Variants in ROBO1 observed in about 807,000 individuals in gnomAD.
ROBO1 encodes the protein roundabout guidance receptor 1.
Under a neutral mutation model 195.9 loss-of-function variants are expected in ROBO1, and 149 were observed. The ratio of observed to expected loss-of-function variants is 0.76; its 90% CI spans 0.67 to 0.87. The LOEUF (loss-of-function observed/expected upper bound fraction) is 0.87. Ranked by LOEUF, ROBO1 falls within the 40% of genes least tolerant of loss-of-function variation. The pLI, the probability that ROBO1 is intolerant of heterozygous loss-of-function variation, is 0.00. For synonymous variants in ROBO1, 816 were observed against 733.2 expected (o/e 1.11, Z -1.82); for missense variants, 1,933 against 2,068.3 (o/e 0.93, Z 1.27).
intron 2 of ROBO1, among the ~76,000 whole-genome samples, chr3:79,552,152 C>A (rs1014377344): frequency 6.6e-6 from 1 of 151,732 alleles, no homozygotes; most frequent in Admixed American, 6.6e-5. Context: ...TTACCCAAAA[C>A]GTGTTCTGCA....
chr3:79,559,777 C>T (rs534250771), intron 2 of ROBO1, among the ~76,000 whole-genome samples: 169 of 152,070 alleles, frequency 1.1e-3, no homozygotes, highest in Middle Eastern at 6.8e-3. Context: ...ATTAGCTGGG[C>T]GTGGTGGTGT....
At chr3:78,648,857 C>T (rs716385) in intron 19 of ROBO1, among the ~76,000 whole-genome samples, 38,236 of 151,862 alleles carry the variant, frequency 0.25, 4,981 homozygotes, top group African/African-American at 0.29. Flanking sequence ...ACTGTAGAAT[C>T]GGAGCATTTG....
In ROBO1 at chr3:79,129,345, G is replaced by A. The variant is rs575611037; in HGVS notation, c.89-3806C>T. ...TGGCTTTATATATTTTTGTGTAGGG[G>A]TTGTATGCCATACTTAAACTTACAA... On this transcript the variant is annotated intron_variant, in intron 2 of 30. Transcript: ENST00000464233. Among the ~76,000 whole-genome samples the A allele has an allele frequency of 2.6e-5, 4 of 152,116 alleles. No homozygotes were observed. In the South Asian group the frequency reaches 8.3e-4, roughly 32 times the overall value.
intron 2 of ROBO1, among the ~76,000 whole-genome samples, chr3:79,412,567 G>A (rs2037816058): frequency 6.6e-6 from 1 of 152,082 alleles, no homozygotes; most frequent in African/African-American, 2.4e-5. Flanking sequence ...TGACATCTTG[G>A]AGAAAGGATT....
At chr3:79,116,165 C>G (rs541600442) in intron 3 of ROBO1, among the ~76,000 whole-genome samples, 19 of 152,254 alleles carry the variant, frequency 1.2e-4, no homozygotes, top group African/African-American at 3.4e-4. Context: ...CCTGCAGATA[C>G]CAAAATCCAT....
chr3:78,599,958 A>T (rs897766923), intron 30 of ROBO1, 155 bp downstream of exon 30: 1 of 698,130 alleles, frequency 1.4e-6, no homozygotes, highest in African/African-American at 1.8e-5. Flanking sequence ...GAAAATTCTC[A>T]AATTCTCAGA....
intron 3 of ROBO1, among the ~76,000 whole-genome samples, chr3:79,071,740 G>GTGCA (rs2079094737): frequency 6.9e-5 from 10 of 144,388 alleles, no homozygotes; most frequent in East Asian, 3.9e-4. Context: ...ACACACACAC[G>GTGCA]CACACACACA....
At chr3:79,584,243 A>G (rs1439709247) in intron 2 of ROBO1, among the ~76,000 whole-genome samples, 3 of 122,574 alleles carry the variant, frequency 2.4e-5, no homozygotes, top group African/African-American at 1.0e-4. Context: ...TATGTTACAT[A>G]GGTACATGTA....
At chr3:78,924,793 A>G (rs187514731) in intron 4 of ROBO1, among the ~76,000 whole-genome samples, 8 of 152,260 alleles carry the variant, frequency 5.3e-5, no homozygotes, top group African/African-American at 1.9e-4. Flanking sequence ...TAGTTTCTGA[A>G]TTTTGTGTCT....
rs560113795 is a variant in ROBO1 at position 79,535,161 on chromosome 3, A to T, written c.88+54663T>A. On this transcript the variant is annotated intron_variant, in intron 2 of 30. Coordinates refer to ENST00000464233, the MANE Select transcript of ROBO1 (RefSeq NM_002941.4). ...TCTTCAATTCTGATTCAAAAGAGAA[A>T]TATTCCCTTTCAGCAACAAATCTTC... is the stretch of plus-strand genomic sequence containing the variant. 7.9e-5 allele frequency among the ~76,000 whole-genome samples: 12 copies of T among 152,310 alleles called. No homozygotes were observed. In the South Asian group the frequency reaches 2.5e-3, roughly 32 times the overall value.
intron 3 of ROBO1, among the ~76,000 whole-genome samples, chr3:79,095,750 C>A (rs2079555402): frequency 6.6e-6 from 1 of 151,750 alleles, no homozygotes; most frequent in South Asian, 2.1e-4. Flanking sequence ...ACTTTTTTTT[C>A]TGTCTTGCAC....
intron 2 of ROBO1, among the ~76,000 whole-genome samples, chr3:79,568,761 A>T (rs1943174186): frequency 6.6e-6 from 1 of 152,148 alleles, no homozygotes; most frequent in Non-Finnish European, 1.5e-5. Flanking sequence ...ATCACAGTGC[A>T]AAGGCAAACC....
chr3:78,603,094 T>C (rs1007168622), intron 29 of ROBO1, among the ~76,000 whole-genome samples: 3 of 152,116 alleles, frequency 2.0e-5, no homozygotes, highest in African/African-American at 7.2e-5. Flanking sequence ...TGTCTGGGGG[T>C]TGCACACATC....
At chr3:78,667,042 A>G (rs1300967416) in intron 14 of ROBO1, among the ~76,000 whole-genome samples, 1 of 152,158 alleles carries the variant, frequency 6.6e-6, no homozygotes, top group Non-Finnish European at 1.5e-5. Flanking sequence ...TTTTTTTCCA[A>G]AAATAAAAGG....
At chr3:79,653,944 A>G (rs72893923) in intron 1 of ROBO1, among the ~76,000 whole-genome samples, 2,205 of 152,066 alleles carry the variant, frequency 0.015, 57 homozygotes, top group African/African-American at 0.051. Context: ...ATGTTAGGAA[A>G]GTATGTTTTG....
At chr3:78,945,769 G>GA (rs1286428867) in intron 3 of ROBO1, among the ~76,000 whole-genome samples, 1 of 152,000 alleles carries the variant, frequency 6.6e-6, no homozygotes, top group Admixed American at 6.6e-5. Context: ...TAAAAGCTTT[G>GA]AAAAAATATT....
At chr3:79,342,925 T>C (rs2034966447) in intron 2 of ROBO1, among the ~76,000 whole-genome samples, 1 of 152,166 alleles carries the variant, frequency 6.6e-6, no homozygotes, top group African/African-American at 2.4e-5. Flanking sequence ...TGAATAAATG[T>C]ATATAATATG....
chr3:78,824,379 T>C (rs1466159266), intron 4 of ROBO1, among the ~76,000 whole-genome samples: 2 of 152,190 alleles, frequency 1.3e-5, no homozygotes, highest in African/African-American at 4.8e-5. Flanking sequence ...TTGACCCTAT[T>C]TGATAAATAA....
intron 4 of ROBO1, among the ~76,000 whole-genome samples, chr3:78,917,099 G>A (rs866768276): frequency 1.6e-5 from 2 of 127,338 alleles, no homozygotes; most frequent in South Asian, 5.2e-4. Context: ...TTTGTTTTTC[G>A]TTTTTTTTTT....
Sources: allele counts gnomAD v4.1 joint callset (sites outside exome capture counted in the v4.1 genomes callset), GRCh38; gene constraint gnomAD v4.1.1; transcripts MANE v1.5; gene names NCBI Gene and HGNC (gene_info 2026-07-23, HGNC 2026-07-21).